CHP1: variants seen among roughly 807,000 people sequenced by gnomAD.
CHP1 encodes the protein calcineurin B homologous protein 1.
Under a neutral mutation model 27.4 loss-of-function variants are expected in CHP1, and 11 were observed. That is an observed-to-expected ratio of 0.40 (90% CI 0.25 to 0.67). The LOEUF (loss-of-function observed/expected upper bound fraction) is 0.67, where lower values mean the gene tolerates loss of function less well. Among genes scored for constraint, CHP1 ranks in the 30% least tolerant of loss-of-function variants. The probability of loss-of-function intolerance (pLI) is 0.38; values close to 1 mark genes in which losing one functional copy is unlikely to be tolerated. For missense variants in CHP1, 169 were observed against 251.3 expected (o/e 0.67, Z 2.22); for synonymous variants, 89 against 87.4 (o/e 1.02, Z -0.10).
intron 3 of CHP1, among the ~76,000 whole-genome samples, chr15:41,259,676 A>G (rs2047422250): frequency 6.6e-6 from 1 of 152,218 alleles, no homozygotes; most frequent in Admixed American, 6.5e-5. Flanking sequence ...TTGATTCCTC[A>G]GATCTGACAT....
chr15:41,243,987 C>T (rs1396646459), intron 2 of CHP1, among the ~76,000 whole-genome samples: 1 of 152,098 alleles, frequency 6.6e-6, no homozygotes, highest in African/African-American at 2.4e-5. Flanking sequence ...ATCATGAGGC[C>T]AGGAGGTCCA....
In CHP1 at chr15:41,275,204, C is replaced by A. The variant is rs559086592; in HGVS notation, c.412-3563C>A. On this transcript the variant is annotated intron_variant, in intron 5 of 6. Transcript: ENST00000334660. The stretch of plus-strand genomic sequence containing the variant: ...GGGAGTGTCTTTCTTGTCGCCCAGG[C>A]TGGAATGCAATGGAGTAATCTCGGC... Among the ~76,000 whole-genome samples the A allele has an allele frequency of 1.2e-4, 19 of 152,176 alleles. No homozygotes were observed. The South Asian group carries it at 3.9e-3, about 32-fold the overall frequency.
rs1186922946 is a variant in CHP1 at position 41,262,759 on chromosome 15, G to A, written c.225G>A (p.Glu75=). The A allele has an allele frequency of 1.9e-6, 3 of 1,612,298 alleles. No homozygotes were observed. The African/African-American group carries it at 4.0e-5, about 22-fold the overall frequency. ...RIINAFFPEG[E]DQVNFRGFMR... ...GTTTGTTATATTTCACAATCAGAGA[G>A]GACCAGGTAAACTTCCGTGGATTCA... The change falls in exon 4 of 7, where the codon GAG becomes GAA. Residue 75 remains glutamate, a synonymous_variant. Coordinates refer to ENST00000334660, the MANE Select transcript of CHP1 (RefSeq NM_007236.5).
rs2047242732 is a variant in CHP1, at chr15:41,231,584, G to A, written c.67+135G>A. ...TGGGCAGCCTCCAGGTTTGGGGACCGAGAGCTGGAAGACCTGTTCTTCCAG... is the reference window on the plus strand; with the variant it reads ...TGGGCAGCCTCCAGGTTTGGGGACCAAGAGCTGGAAGACCTGTTCTTCCAG... On this transcript the variant is annotated intron_variant, in intron 1 of 6. Transcript: ENST00000334660. 5 of 783,050 alleles carry A rather than the reference G, an allele frequency of 6.4e-6. No individual in the cohort carries two copies. In the Admixed American group the frequency reaches 9.3e-5, roughly 15 times the overall value. The allele number at this position is 783,050 out of a possible 1,614,324, so 48.5% of individuals were successfully genotyped here. A position where few individuals can be genotyped will look rare whatever the true frequency, so the allele number is the denominator to read the frequency against.
intron 2 of CHP1, among the ~76,000 whole-genome samples, chr15:41,247,247 G>T (rs7167813): frequency 0.5 from 76,295 of 151,324 alleles, 20,746 homozygotes; most frequent in African/African-American, 0.72. Flanking sequence ...CGCATGCCTG[G>T]AATTCCAGGT....
intron 4 of CHP1, among the ~76,000 whole-genome samples, chr15:41,270,044 A>G (rs2047480786): frequency 2.0e-5 from 3 of 152,160 alleles, no homozygotes. Flanking sequence ...CTGAGCCATC[A>G]TATTTATTTG....
At chr15:41,244,992 C>T (rs1372661274) in intron 2 of CHP1, among the ~76,000 whole-genome samples, 1 of 152,096 alleles carries the variant, frequency 6.6e-6, no homozygotes, top group African/African-American at 2.4e-5. Flanking sequence ...AGTTGCTAAG[C>T]CTTTGGACGT....
intron 1 of CHP1, among the ~76,000 whole-genome samples, chr15:41,238,080 T>C (rs775349586): frequency 6.6e-6 from 1 of 152,240 alleles, no homozygotes; most frequent in Non-Finnish European, 1.5e-5. Flanking sequence ...TTCTGTGAAA[T>C]GCCTTCCTCC....
At chr15:41,254,710 A>G (rs930802186) in intron 2 of CHP1, among the ~76,000 whole-genome samples, 3 of 152,228 alleles carry the variant, frequency 2.0e-5, no homozygotes, top group Admixed American at 2.0e-4. Flanking sequence ...GTGTCACCAA[A>G]TGTGGTGGAG....
At chr15:41,264,119 C>T (rs540666683) in intron 4 of CHP1, 10 of 1,048,338 alleles carry the variant, frequency 9.5e-6, no homozygotes, top group South Asian at 9.4e-5. Flanking sequence ...CATGGCAGCT[C>T]TCAGTTGTTA....
chr15:41,241,811 A>C (rs1261544849), intron 1 of CHP1, among the ~76,000 whole-genome samples: 2 of 152,220 alleles, frequency 1.3e-5, no homozygotes, highest in Non-Finnish European at 2.9e-5. Flanking sequence ...TGTTCCCAAC[A>C]CTACAAGTAC....
intron 4 of CHP1, among the ~76,000 whole-genome samples, chr15:41,268,089 T>C (rs577314070): frequency 6.6e-6 from 1 of 152,298 alleles, no homozygotes; most frequent in South Asian, 2.1e-4. Flanking sequence ...GCCCTTGCTT[T>C]CTTAGAACTT....
chr15:41,264,286 A>G, intron 4 of CHP1: 1 of 1,021,016 alleles, frequency 9.8e-7, no homozygotes, highest in Non-Finnish European at 1.3e-6. Flanking sequence ...GGAGAGTGCG[A>G]GTGCCGAGGA....
chr15:41,247,208 A>G (rs1198765360), intron 2 of CHP1, among the ~76,000 whole-genome samples: 1 of 151,898 alleles, frequency 6.6e-6, no homozygotes, highest in Non-Finnish European at 1.5e-5. Flanking sequence ...ATCTTTACGA[A>G]AAATACAAAA....
intron 2 of CHP1, among the ~76,000 whole-genome samples, chr15:41,246,851 G>A (rs1210148450): frequency 6.6e-6 from 1 of 150,862 alleles, no homozygotes; most frequent in Non-Finnish European, 1.5e-5. Flanking sequence ...TCACGCTACT[G>A]CACTCCAGCC....
intron 5 of CHP1, among the ~76,000 whole-genome samples, chr15:41,274,718 C>A (rs1304410912): frequency 1.3e-5 from 2 of 151,562 alleles, no homozygotes; most frequent in Non-Finnish European, 2.9e-5. Flanking sequence ...AGGTTGGATT[C>A]ATCTGCTTGG....
At chr15:41,241,116 G>T (rs1348225277) in intron 1 of CHP1, among the ~76,000 whole-genome samples, 2 of 152,162 alleles carry the variant, frequency 1.3e-5, no homozygotes, top group Non-Finnish European at 2.9e-5. Context: ...CTCCCAAAGT[G>T]CTGAGATTAC....
chr15:41,237,791 A>G (rs1403404359), intron 1 of CHP1, among the ~76,000 whole-genome samples: 6 of 151,844 alleles, frequency 4.0e-5, no homozygotes, highest in Admixed American at 6.6e-5. Flanking sequence ...CAGTGGTGCA[A>G]TCCCGCCTCC....
chr15:41,231,797 G>GT (rs1330965637), intron 1 of CHP1, among the ~76,000 whole-genome samples: 10 of 152,076 alleles, frequency 6.6e-5, no homozygotes, highest in Non-Finnish European at 1.2e-4. Flanking sequence ...CTGAACAGTA[G>GT]GTAAAGCCCG....
Sources: gnomAD v4.1 joint callset for allele counts (sites outside exome capture counted in the v4.1 genomes callset) on GRCh38, gnomAD v4.1.1 for gene constraint, MANE v1.5 for transcripts, NCBI Gene and HGNC (gene_info 2026-07-23, HGNC 2026-07-21) for gene names.